Variants in TCF7L2 observed in about 807,000 individuals in gnomAD.
The protein encoded by TCF7L2 is transcription factor 7-like 2.
Under a neutral mutation model 77.9 loss-of-function variants are expected in TCF7L2, and 23 were observed. That is an observed-to-expected ratio of 0.30 (90% CI 0.21 to 0.42). The LOEUF (loss-of-function observed/expected upper bound fraction) is 0.42, where lower values mean the gene tolerates loss of function less well. Among genes scored for constraint, TCF7L2 ranks in the 10% least tolerant of loss-of-function variants. The pLI is 1.00. For missense variants in TCF7L2, 654 were observed against 793.1 expected, an observed-to-expected ratio of 0.82 and a Z score of 2.11; for synonymous variants, 413 against 340.2, an observed-to-expected ratio of 1.21 and a Z score of -2.36.
chr10:113,002,139 C>G (rs2044601691), intron 4 of TCF7L2, among the ~76,000 whole-genome samples: 1 of 152,238 alleles, frequency 6.6e-6, no homozygotes, highest in South Asian at 2.1e-4. Context: ...AGGTTGTGTT[C>G]AGGTTTGTAT....
intron 5 of TCF7L2, among the ~76,000 whole-genome samples, chr10:113,081,439 G>A (rs930791023): frequency 2.6e-5 from 4 of 152,204 alleles, no homozygotes; most frequent in African/African-American, 4.8e-5. Flanking sequence ...GCTTGAACCC[G>A]AGCTTCTGCT....
chr10:113,138,396 T>G (rs1355832688), intron 5 of TCF7L2, among the ~76,000 whole-genome samples: 1 of 152,156 alleles, frequency 6.6e-6, no homozygotes. Context: ...CCTTCATATG[T>G]ATATCTAAGA....
chr10:112,995,641 A>T (rs1253873600), intron 4 of TCF7L2, among the ~76,000 whole-genome samples: 2 of 152,104 alleles, frequency 1.3e-5, no homozygotes, highest in Non-Finnish European at 2.9e-5. Flanking sequence ...GACTCAAATT[A>T]TCTTCTCCTA....
intron 4 of TCF7L2, among the ~76,000 whole-genome samples, chr10:113,002,941 C>T (rs2044753549): frequency 1.3e-5 from 2 of 152,128 alleles, no homozygotes; most frequent in African/African-American, 2.4e-5. Context: ...CATTTTAGAG[C>T]CTGTGGTGTT....
chr10:112,994,064 A>AAG (rs1328262016), intron 4 of TCF7L2, among the ~76,000 whole-genome samples: 1 of 152,016 alleles, frequency 6.6e-6, no homozygotes, highest in Non-Finnish European at 1.5e-5. Flanking sequence ...CAAAAAAAAA[A>AAG]AAAAAGAAAG....
intron 5 of TCF7L2, among the ~76,000 whole-genome samples, chr10:113,096,426 T>G (rs1475837192): frequency 6.6e-6 from 1 of 152,218 alleles, no homozygotes; most frequent in Non-Finnish European, 1.5e-5. Context: ...CCTATGGACC[T>G]TATTGGAAAG....
At chr10:112,993,010 G>A (rs900805581) in intron 4 of TCF7L2, among the ~76,000 whole-genome samples, 1 of 151,768 alleles carries the variant, frequency 6.6e-6, no homozygotes, top group South Asian at 2.1e-4. Context: ...TAATCCACCC[G>A]CCTCGGCCTC....
chr10:113,143,932 G>A lies in TCF7L2; in HGVS notation c.695G>A (p.Arg232Gln), dbSNP rs769752231. 10 of 1,611,828 alleles carry A rather than the reference G, an allele frequency of 6.2e-6. No homozygotes were observed. Among genetic ancestry groups the A allele is most frequent in the Admixed American group, 3.3e-5 (2 of 59,812 alleles). The stretch of plus-strand genomic sequence containing the variant: ...CTGCTTCTTCCCTCAGGAATCCCAC[G>A]GCCTCCGCACCCTCCAGATATATCC... Residue 232 changes from arginine (R) to glutamine (Q), a missense_variant, in exon 7 of 14, where the codon CGG (arginine) becomes CAG (glutamine). By Grantham distance (43) the Arg-to-Gln change is conservative (BLOSUM62 1). Transcript: ENST00000627217.
In TCF7L2 at chr10:113,166,898, A is replaced by G. The variant is rs1302730176; in HGVS notation, c.*926A>G. The G allele has an allele frequency of 1.7e-5, 4 of 230,220 alleles. No homozygotes were observed. The highest frequency in any genetic ancestry group is 8.9e-5 in the African/African-American group (4 of 45,178). 14.3% of individuals were successfully genotyped at this position (230,220 alleles called of 1,614,324 possible). ...TGCATTAAGGATCAGTAGCATTAAC[A>G]AAAGTTGCTTTAAAAGCCATTATGT... On this transcript the variant is annotated 3_prime_UTR_variant, in exon 14 of 14. Coordinates refer to ENST00000627217, the MANE Select transcript of TCF7L2 (RefSeq NM_001146274.2).
intron 4 of TCF7L2, among the ~76,000 whole-genome samples, chr10:112,983,456 C>T (rs1000565493): frequency 2.6e-5 from 4 of 152,216 alleles, no homozygotes; most frequent in East Asian, 3.9e-4. Flanking sequence ...GCCTGGGCGA[C>T]AGAGCGAGAC....
At chr10:113,040,229 T>A in intron 5 of TCF7L2, 103 bp downstream of exon 5, 2 of 972,230 alleles carry the variant, frequency 2.1e-6, no homozygotes, top group Non-Finnish European at 3.1e-6. Flanking sequence ...TTTCTTTCTT[T>A]AAACACATTT....
At chr10:113,114,615 G>A (rs1317775076) in intron 5 of TCF7L2, among the ~76,000 whole-genome samples, 3 of 152,234 alleles carry the variant, frequency 2.0e-5, no homozygotes, top group South Asian at 4.2e-4. Flanking sequence ...TGAGTTAACT[G>A]ACTCATTGAT....
At chr10:113,047,065 A>T (rs1231850928) in intron 5 of TCF7L2, among the ~76,000 whole-genome samples, 1 of 152,158 alleles carries the variant, frequency 6.6e-6, no homozygotes, top group Non-Finnish European at 1.5e-5. Flanking sequence ...AATCAATGCC[A>T]TATTGTTGGG....
intron 4 of TCF7L2, among the ~76,000 whole-genome samples, chr10:112,969,825 A>T (rs1214007741): frequency 6.6e-6 from 1 of 152,196 alleles, no homozygotes; most frequent in African/African-American, 2.4e-5. Context: ...GATGTGTGTA[A>T]ACAGAGCTGT....
intron 13 of TCF7L2, among the ~76,000 whole-genome samples, chr10:113,165,072 C>T (rs1328401758): frequency 6.6e-6 from 1 of 152,170 alleles, no homozygotes; most frequent in Non-Finnish European, 1.5e-5. Context: ...CACTCACACA[C>T]TCACACACAC....
intron 1 of TCF7L2, 39 bp downstream of exon 1, chr10:112,950,984 GT>G (rs1360679043): frequency 6.3e-7 from 1 of 1,582,030 alleles, no homozygotes; most frequent in Admixed American, 1.9e-5. Context: ...TTTTTTATCT[GT>G]TTCCTGGGCT....
chr10:113,055,689 C>T (rs1250970522), intron 5 of TCF7L2, among the ~76,000 whole-genome samples: 1 of 152,220 alleles, frequency 6.6e-6, no homozygotes, highest in Non-Finnish European at 1.5e-5. Flanking sequence ...AGAGGTCCTC[C>T]TGCCCCAGCC....
chr10:113,086,294 A>G (rs2059825407), intron 5 of TCF7L2, among the ~76,000 whole-genome samples: 1 of 152,232 alleles, frequency 6.6e-6, no homozygotes, highest in South Asian at 2.1e-4. Context: ...TGGCCTGAGC[A>G]AAATGAATGT....
intron 5 of TCF7L2, among the ~76,000 whole-genome samples, chr10:113,114,559 A>G (rs1029346245): frequency 3.3e-5 from 5 of 152,176 alleles, no homozygotes; most frequent in African/African-American, 9.7e-5. Context: ...ATGACAATCT[A>G]TCAGTCCACA....
Sources: allele counts gnomAD v4.1 joint callset (sites outside exome capture counted in the v4.1 genomes callset), GRCh38; gene constraint gnomAD v4.1.1; transcripts MANE v1.5; gene names NCBI Gene and HGNC (gene_info 2026-07-23, HGNC 2026-07-21).